Variants in SLC23A2 observed in about 807,000 individuals in gnomAD.
The protein encoded by SLC23A2 is Na(+)/L-ascorbic acid transporter 2.
A neutral mutation model predicts 73.3 loss-of-function variants in SLC23A2; 36 were observed. That is an observed-to-expected ratio of 0.49 (90% CI 0.38 to 0.65). The LOEUF (loss-of-function observed/expected upper bound fraction) is 0.65, where lower values mean the gene tolerates loss of function less well. SLC23A2 is among the 30% of genes least tolerant of loss of function. The probability of loss-of-function intolerance (pLI) is 0.00; values close to 1 mark genes in which losing one functional copy is unlikely to be tolerated. For missense variants in SLC23A2, 507 were observed against 841.6 expected (o/e 0.60, Z 4.92); for synonymous variants, 343 against 327.3 (o/e 1.05, Z -0.52).
At chr20:4,957,091 G>A (rs1472025978) in intron 2 of SLC23A2, among the ~76,000 whole-genome samples, 1 of 152,124 alleles carries the variant, frequency 6.6e-6, no homozygotes, top group South Asian at 2.1e-4. Context: ...ACAGGCGTGA[G>A]TTACTGCGCC....
chr20:4,879,521 G>GT (rs1249992365), intron 9 of SLC23A2, among the ~76,000 whole-genome samples: 1 of 150,198 alleles, frequency 6.7e-6, no homozygotes, highest in Non-Finnish European at 1.5e-5. Flanking sequence ...TATTACCATA[G>GT]TTTTATCAAT....
At chr20:5,006,019 T>C (rs2088187463), upstream of SLC23A2, among the ~76,000 whole-genome samples, 1 of 152,108 alleles carries the variant, frequency 6.6e-6, no homozygotes, top group Non-Finnish European at 1.5e-5. Flanking sequence ...TATATAATGA[T>C]AGAAAACAAA....
At chr20:4,966,797 T>G (rs1285495974) in intron 2 of SLC23A2, among the ~76,000 whole-genome samples, 2 of 92,930 alleles carry the variant, frequency 2.2e-5, no homozygotes, top group Non-Finnish European at 2.3e-5. Context: ...ATGTGTAAAC[T>G]TTTGATAGTT....
At chr20:4,949,797 A>G (rs1307888650) in intron 2 of SLC23A2, among the ~76,000 whole-genome samples, 3 of 152,208 alleles carry the variant, frequency 2.0e-5, no homozygotes, top group Non-Finnish European at 4.4e-5. Context: ...ATCAATCTGT[A>G]TATCCTCACA....
chr20:4,899,911 C>A lies in SLC23A2; in HGVS notation c.325-199G>T, dbSNP rs532302874. Among the ~76,000 whole-genome samples, 5 of 152,292 alleles carry A rather than the reference C, an allele frequency of 3.3e-5. No homozygotes were observed. The South Asian group carries it at 1.0e-3, about 32-fold the overall frequency. ...TGTTAAGACAGTTTCACTCCCATTG[C>A]CCTCGACGGAGTGCAATGGTGCGAT... On this transcript the variant is annotated intron_variant, in intron 5 of 16. Transcript: ENST00000338244. This position sits in a 1 kb window ranked among gnomAD's most constrained non-coding sequence, Gnocchi z 4.9.
intron 6 of SLC23A2, among the ~76,000 whole-genome samples, chr20:4,888,981 G>GT (rs1365891083): frequency 6.6e-6 from 1 of 152,202 alleles, no homozygotes; most frequent in Non-Finnish European, 1.5e-5. Flanking sequence ...GACAACCCCT[G>GT]TGCCAGGTTA....
chr20:4,991,028 C>G (rs1024505283), intron 1 of SLC23A2, among the ~76,000 whole-genome samples: 7 of 150,134 alleles, frequency 4.7e-5, no homozygotes, highest in Non-Finnish European at 8.9e-5. Context: ...AGTATACTTG[C>G]TTTATACCTG....
chr20:4,896,538 C>T (rs904898760), intron 6 of SLC23A2, among the ~76,000 whole-genome samples: 2 of 152,210 alleles, frequency 1.3e-5, no homozygotes, highest in Non-Finnish European at 2.9e-5. Flanking sequence ...ATTCTTTAAT[C>T]AGGACACATG....
At chr20:4,991,599 G>A (rs923685250) in intron 1 of SLC23A2, among the ~76,000 whole-genome samples, 1 of 151,926 alleles carries the variant, frequency 6.6e-6, no homozygotes, top group Non-Finnish European at 1.5e-5. Flanking sequence ...GTGCACACCT[G>A]TAATCCCAGC....
chr20:4,880,840 A>G (rs1217424003), intron 9 of SLC23A2, among the ~76,000 whole-genome samples: 1 of 152,140 alleles, frequency 6.6e-6, no homozygotes, highest in East Asian at 1.9e-4. Context: ...AACAGTAAGA[A>G]AACCCCAAAG....
At chr20:4,909,528 A>T (rs945395998) in intron 4 of SLC23A2, among the ~76,000 whole-genome samples, 6 of 152,130 alleles carry the variant, frequency 3.9e-5, no homozygotes, top group African/African-American at 1.4e-4. Flanking sequence ...AAGATAGCTT[A>T]AAGAGAATCC....
At chr20:4,874,477 C>G (rs1930578533) in intron 10 of SLC23A2, 99 bp downstream of exon 10, 2 of 1,104,654 alleles carry the variant, frequency 1.8e-6, no homozygotes, top group Non-Finnish European at 2.6e-6. Context: ...CAGATATGAT[C>G]CCCCAAGGAG....
chr20:4,865,626 C>T (rs1260453249), intron 13 of SLC23A2, among the ~76,000 whole-genome samples: 1 of 152,110 alleles, frequency 6.6e-6, no homozygotes, highest in Non-Finnish European at 1.5e-5. Context: ...GCTTGTTACA[C>T]CATCTTCCCC....
chr20:4,894,414 A>G (rs147966201), intron 6 of SLC23A2, among the ~76,000 whole-genome samples: 1 of 152,332 alleles, frequency 6.6e-6, no homozygotes, highest in Non-Finnish European at 1.5e-5. Context: ...AAGAAAAGGA[A>G]AACTTTCATG....
chr20:4,970,168 G>A (rs1178876600), intron 2 of SLC23A2, among the ~76,000 whole-genome samples: 1 of 152,064 alleles, frequency 6.6e-6, no homozygotes, highest in Non-Finnish European at 1.5e-5. Context: ...TGATAATAAA[G>A]TCAAAAGCAT....
intron 1 of SLC23A2, among the ~76,000 whole-genome samples, chr20:4,972,500 A>G (rs2087577375): frequency 6.6e-6 from 1 of 150,890 alleles, no homozygotes; most frequent in Non-Finnish European, 1.5e-5. Flanking sequence ...AAAAGTAGTA[A>G]TTTATTTCTC....
chr20:4,910,774 GC>G (rs1455220906), intron 4 of SLC23A2, among the ~76,000 whole-genome samples: 4 of 152,088 alleles, frequency 2.6e-5, no homozygotes, highest in South Asian at 4.1e-4. Flanking sequence ...TCTTCTCACT[GC>G]CCTCCTCATT....
At chr20:4,987,736 T>A (rs2087855184) in intron 1 of SLC23A2, among the ~76,000 whole-genome samples, 1 of 151,876 alleles carries the variant, frequency 6.6e-6, no homozygotes, top group African/African-American at 2.4e-5. Flanking sequence ...TAGTCCCAGC[T>A]ACTCGGGAGG....
intron 4 of SLC23A2, among the ~76,000 whole-genome samples, chr20:4,909,295 T>C (rs1386953964): frequency 6.6e-6 from 1 of 152,208 alleles, no homozygotes; most frequent in Non-Finnish European, 1.5e-5. Flanking sequence ...TTGAGCATCA[T>C]GTCGGTGCTC....
Sources: gnomAD v4.1 joint callset for allele counts (sites outside exome capture counted in the v4.1 genomes callset) on GRCh38, gnomAD v4.1.1 for gene constraint, Gnocchi (gnomAD v3.1) non-coding constraint, MANE v1.5 for transcripts, NCBI Gene and HGNC (gene_info 2026-07-23, HGNC 2026-07-21) for gene names.